Variants in DDX27 observed in about 807,000 individuals in gnomAD.
DDX27 encodes the protein probable ATP-dependent RNA helicase DDX27.
A neutral mutation model predicts 99.3 loss-of-function variants in DDX27; 42 were observed. The observed-to-expected ratio is 0.42, with a 90% CI of 0.33 to 0.55. The LOEUF (loss-of-function observed/expected upper bound fraction) is 0.55. Among genes scored for constraint, DDX27 ranks in the 20% least tolerant of loss-of-function variants. DDX27 has a pLI of 0.07. For synonymous variants in DDX27, 329 were observed against 353.8 expected (o/e 0.93, Z 0.79); for missense variants, 798 against 976.8 (o/e 0.82, Z 2.44).
At chr20:49,221,122 C>T (rs1036962820) in intron 1 of DDX27, among the ~76,000 whole-genome samples, 5 of 152,220 alleles carry the variant, frequency 3.3e-5, no homozygotes, top group South Asian at 4.1e-4. Flanking sequence ...CCACCACGCC[C>T]GGCTAATTTT....
chr20:49,234,771 A>C, intron 11 of DDX27, 164 bp from the exon 12 acceptor site: 1 of 720,056 alleles, frequency 1.4e-6, no homozygotes. Flanking sequence ...CCCCCCAGGA[A>C]TTGGCTTCTC....
intron 9 of DDX27, among the ~76,000 whole-genome samples, chr20:49,232,125 C>T (rs1980134209): frequency 6.6e-6 from 1 of 152,034 alleles, no homozygotes; most frequent in Non-Finnish European, 1.5e-5. Context: ...GGGCTTAAGA[C>T]ACCCTTCTGC....
At chr20:49,222,909 G>A (rs1292181859) in intron 2 of DDX27, 48 bp from the exon 3 acceptor site, 2 of 1,490,500 alleles carry the variant, frequency 1.3e-6, no homozygotes, top group Middle Eastern at 1.8e-4. Context: ...TCTCTTATTC[G>A]ATGTTTCAAT....
intron 4 of DDX27, among the ~76,000 whole-genome samples, chr20:49,224,269 C>A (rs184370479): frequency 2.0e-4 from 30 of 152,186 alleles, no homozygotes; most frequent in Admixed American, 1.1e-3. Flanking sequence ...TAGCCCCATG[C>A]GGCTGCCAGA....
chr20:49,232,362 G>A (rs1188277974), intron 9 of DDX27, among the ~76,000 whole-genome samples: 1 of 152,168 alleles, frequency 6.6e-6, no homozygotes, highest in Non-Finnish European at 1.5e-5. Context: ...TGGCGTAGTG[G>A]CTCATGCCTA....
At chr20:49,234,220 T>G (rs238149) in intron 11 of DDX27, 105,568 of 153,220 alleles carry the variant, frequency 0.69, 37,197 homozygotes, top group Non-Finnish European at 0.77. Context: ...GATCCCAGCC[T>G]TGGAGGCTTG....
At position 49,239,487 on chromosome 20, in the gene DDX27, T is replaced by G. The variant is rs1980408046; in HGVS notation, c.1897+149T>G. The G allele has an allele frequency of 7.9e-6, 5 of 636,060 alleles. No individual in the cohort carries two copies. In the South Asian group the frequency reaches 1.0e-4, roughly 13 times the overall value. The allele number at this position is 636,060 out of a possible 1,614,324, so 39.4% of individuals were successfully genotyped here. On this transcript the variant is annotated intron_variant, in intron 16 of 20. Transcript: ENST00000618172. Reference sequence around the variant, plus strand: ...TCGTGGAAGACAATGTTTCCACATTTGGGGTGTGGGGGTTGCATTAGATTC... The same window carrying G: ...TCGTGGAAGACAATGTTTCCACATTGGGGGTGTGGGGGTTGCATTAGATTC...
Position 49,219,487 on chromosome 20 carries a change from G to A in DDX27, c.39G>A (p.Glu13=). Residue 13 remains glutamate (E), a synonymous_variant, in exon 1 of 21, where the codon GAG becomes GAA. Coordinates refer to ENST00000618172, the MANE Select transcript of DDX27 (RefSeq NM_017895.8). ...ADLGLIGTIG[E]DDEVPVEPES... is the part of the protein sequence containing the mutation. ...TCGGCTTAATCGGAACCATAGGCGA[G>A]GATGACGAGGTGCCGGTGGAGCCCG... is the stretch of plus-strand genomic sequence containing the variant. 6.2e-7 allele frequency: 1 copy of A among 1,614,106 alleles called. No homozygotes were observed. Among genetic ancestry groups the A allele is most frequent in the Non-Finnish European group, 8.5e-7 (1 of 1,180,006 alleles).
At chr20:49,239,170 A>T (rs748649582) in intron 15 of DDX27, 66 bp from the exon 16 acceptor site, 3 of 1,551,570 alleles carry the variant, frequency 1.9e-6, no homozygotes, top group Non-Finnish European at 2.7e-6. Context: ...AGGCATTTGC[A>T]GCCCGTGGCT....
At chr20:49,237,513 G>C (rs1980345345) in intron 14 of DDX27, among the ~76,000 whole-genome samples, 2 of 152,044 alleles carry the variant, frequency 1.3e-5, no homozygotes, top group African/African-American at 4.8e-5. Context: ...TCAGCGACTA[G>C]TTATTGAGTC....
chr20:49,236,537 AG>A lies in DDX27; in HGVS notation c.1687+28del, dbSNP rs1441987968. 1.1e-5 allele frequency: 17 copies of A among 1,530,996 alleles called. No homozygotes were observed. Among genetic ancestry groups the A allele is most frequent in the Non-Finnish European group, 1.5e-5 (17 of 1,137,960 alleles). 94.8% of individuals were successfully genotyped at this position (1,530,996 alleles called of 1,614,324 possible). A position where few individuals can be genotyped will look rare whatever the true frequency, so the allele number is the denominator to read the frequency against. On this transcript the variant is annotated intron_variant, in intron 14 of 20. Coordinates refer to ENST00000618172, the MANE Select transcript of DDX27 (RefSeq NM_017895.8). The surrounding 1 kb of genome is among the most constrained non-coding windows in gnomAD (Gnocchi z 4.1). The stretch of plus-strand genomic sequence containing the variant: ...TGAGCAGGCACCCCTGTGGCAGTGC[AG>A]AATGGCTCGGTGGGCGGGGCAAGGA...
intron 11 of DDX27, chr20:49,234,636 A>G (rs1980244469): frequency 3.8e-6 from 1 of 259,774 alleles, no homozygotes; most frequent in African/African-American, 2.2e-5. Flanking sequence ...CTCTGTCTAG[A>G]ATCTTCCCCT....
intron 2 of DDX27, among the ~76,000 whole-genome samples, 195 bp from the exon 3 acceptor site, chr20:49,222,762 C>T (rs1979735550): frequency 1.3e-5 from 2 of 152,086 alleles, no homozygotes; most frequent in African/African-American, 4.8e-5. Flanking sequence ...ATCTACCCAC[C>T]TCGGCCTCCC....
At chr20:49,221,661 A>G (rs1979693376) in intron 2 of DDX27, 63 bp downstream of exon 2, 7 of 1,482,072 alleles carry the variant, frequency 4.7e-6, no homozygotes, top group Non-Finnish European at 5.5e-6. Flanking sequence ...TGTGAGTTTC[A>G]GGGCCTAGCC....
chr20:49,237,193 G>A (rs988897801), intron 14 of DDX27, among the ~76,000 whole-genome samples: 2 of 152,118 alleles, frequency 1.3e-5, no homozygotes, highest in Non-Finnish European at 2.9e-5. Flanking sequence ...AGCTGGGCAT[G>A]GTGGTGTGTG....
rs912896699 is a variant in DDX27, at chr20:49,230,184, C to G, written c.881-15C>G. ...GCTGACCTGGCCGCCTGGTGGGGCT[C>G]TCTTCTCTTTGCAGGCGGCTTGGAT... On this transcript the variant is annotated splice_polypyrimidine_tract_variant and intron_variant, in intron 8 of 20. Transcript: ENST00000618172. 3.7e-6 allele frequency: 6 copies of G among 1,605,520 alleles called. No homozygotes were observed. In the African/African-American group the frequency reaches 4.0e-5, roughly 11 times the overall value.
chr20:49,221,429 ACT>A (rs1266607657), intron 1 of DDX27, 21 bp from the exon 2 acceptor site: 1 of 1,611,948 alleles, frequency 6.2e-7, no homozygotes, highest in East Asian at 2.2e-5. Context: ...CCCCAAAGTC[ACT>A]CTGTCTCTTA....
intron 1 of DDX27, among the ~76,000 whole-genome samples, 174 bp downstream of exon 1, chr20:49,219,715 A>G (rs1979563735): frequency 6.6e-6 from 1 of 151,976 alleles, no homozygotes; most frequent in African/African-American, 2.4e-5. Flanking sequence ...GGTTATCTCT[A>G]CGTCCGCCTG....
intron 17 of DDX27, 21 bp downstream of exon 17, chr20:49,242,008 A>T (rs765702038): frequency 2.5e-5 from 40 of 1,613,504 alleles, no homozygotes; most frequent in African/African-American, 4.0e-5. Context: ...TCCCTTTTGG[A>T]GTTTGGGCCC....
Sources: gnomAD v4.1 joint callset for allele counts (sites outside exome capture counted in the v4.1 genomes callset) on GRCh38, gnomAD v4.1.1 for gene constraint, Gnocchi (gnomAD v3.1) non-coding constraint, MANE v1.5 for transcripts, NCBI Gene and HGNC (gene_info 2026-07-23, HGNC 2026-07-21) for gene names.